The following SNX24 variants were observed in gnomAD, a reference collection of about 807,000 sequenced individuals.
SNX24 encodes sorting nexin 24.
A neutral mutation model predicts 28.7 loss-of-function variants in SNX24; 22 were observed. The ratio of observed to expected loss-of-function variants is 0.77; its 90% CI spans 0.55 to 1.10. SNX24 has a LOEUF of 1.10. Ranked by LOEUF, SNX24 falls within the 50% of genes least tolerant of loss-of-function variation. The pLI, the probability that SNX24 is intolerant of heterozygous loss-of-function variation, is 0.00. For missense variants in SNX24, 221 were observed against 201.1 expected, an observed-to-expected ratio of 1.10 and a Z score of -0.60; for synonymous variants, 69 against 71.5, an observed-to-expected ratio of 0.96 and a Z score of 0.18.
intron 1 of SNX24, among the ~76,000 whole-genome samples, chr5:122,895,658 C>T (rs946480761): frequency 6.6e-6 from 1 of 152,242 alleles, no homozygotes; most frequent in African/African-American, 2.4e-5. Flanking sequence ...CCAGCAGCTG[C>T]TGCTTCTCCA....
chr5:122,956,769 A>G (rs1045747459), intron 3 of SNX24, among the ~76,000 whole-genome samples: 2 of 151,336 alleles, frequency 1.3e-5, no homozygotes, highest in African/African-American at 4.9e-5. Flanking sequence ...TTTGATTTGC[A>G]TTTTTCTAAT....
intron 1 of SNX24, among the ~76,000 whole-genome samples, chr5:122,869,177 G>T (rs1243443863): frequency 1.3e-5 from 2 of 152,158 alleles, no homozygotes; most frequent in African/African-American, 4.8e-5. Flanking sequence ...AGAAATTGAT[G>T]ACTGCAGCTT....
At chr5:122,856,154 T>G (rs1005903204) in intron 1 of SNX24, among the ~76,000 whole-genome samples, 1 of 152,310 alleles carries the variant, frequency 6.6e-6, no homozygotes, top group Admixed American at 6.5e-5. Flanking sequence ...GTGTCTGTTG[T>G]TCCCCTCTGT....
chr5:122,970,713 C>T (rs1228851275), intron 3 of SNX24, among the ~76,000 whole-genome samples: 5 of 152,318 alleles, frequency 3.3e-5, no homozygotes, highest in African/African-American at 1.2e-4. Context: ...CGTGATCCGC[C>T]CGTCTTGGCC....
At position 122,948,095 on chromosome 5, in the gene SNX24, TC is replaced by T. The variant is rs766813359; in HGVS notation, c.249+1941del. On this transcript the variant is annotated intron_variant, in intron 3 of 6. Transcript: ENST00000261369. ...AATAGTCAATTTGTTGTCACTTAATTCCCCCAGGAGTTTAAGGGAGTTAGTT... is the reference window on the plus strand; with the variant it reads ...AATAGTCAATTTGTTGTCACTTAATTCCCCAGGAGTTTAAGGGAGTTAGTT... 9.9e-5 allele frequency among the ~76,000 whole-genome samples: 15 copies of T among 152,280 alleles called. 2 individuals carry two copies. Among genetic ancestry groups the T allele is most frequent in the East Asian group, 3.9e-4 (2 of 5,192 alleles).
At chr5:122,983,172 A>C (rs747635814) in intron 3 of SNX24, 9 of 147,064 alleles carry the variant, frequency 6.1e-5, no homozygotes, top group Non-Finnish European at 1.2e-4. Flanking sequence ...AATGAGACAT[A>C]TTCTCAAGTG....
intron 3 of SNX24, among the ~76,000 whole-genome samples, chr5:122,964,501 C>G (rs930555716): frequency 2.1e-4 from 32 of 151,886 alleles, no homozygotes; most frequent in African/African-American, 7.7e-4. Flanking sequence ...TTTTCTCGTG[C>G]ATGTTTATAA....
intron 1 of SNX24, among the ~76,000 whole-genome samples, chr5:122,897,986 C>A (rs1459913144): frequency 6.6e-6 from 1 of 152,102 alleles, no homozygotes; most frequent in Non-Finnish European, 1.5e-5. Context: ...ATACTAAGAT[C>A]AACAGTATTG....
intron 1 of SNX24, among the ~76,000 whole-genome samples, chr5:122,925,213 T>C (rs1204919746): frequency 1.2e-5 from 1 of 83,186 alleles, no homozygotes; most frequent in Non-Finnish European, 2.3e-5. Context: ...CCTATTTCCT[T>C]CCCCTCCCCC....
rs1222002659 is a variant in SNX24 at position 123,001,959 on chromosome 5, G to T, written c.397G>T (p.Val133Leu). ...EESSKLSHQPVLLFLRDPYVL... is the reference protein window; with the variant it reads ...EESSKLSHQPLLLFLRDPYVL... ...TTCCAGCAAACTGTCCCACCAGCCTGTGCTGCTGTTCCTCAGGGATCCATA... is the reference window on the plus strand; with the variant it reads ...TTCCAGCAAACTGTCCCACCAGCCTTTGCTGCTGTTCCTCAGGGATCCATA... Residue 133 changes from valine to leucine, a missense_variant, in exon 6 of 7, where the codon GTG becomes TTG. Physicochemically the swap from Val to Leu is conservative, Grantham distance 32. Transcript: ENST00000261369. The T allele has an allele frequency of 1.2e-6, 2 of 1,614,176 alleles. No individual in the cohort carries two copies. The highest frequency in any genetic ancestry group is 1.1e-5 in the South Asian group (1 of 91,086).
At chr5:123,001,362 C>A in intron 4 of SNX24, 43 bp from the exon 5 acceptor site, 2 of 1,343,984 alleles carry the variant, frequency 1.5e-6, no homozygotes, top group Non-Finnish European at 2.1e-6. Flanking sequence ...ATTGACTCAA[C>A]ATATGTGGTT....
chr5:122,971,529 G>T (rs1760958161), intron 3 of SNX24, among the ~76,000 whole-genome samples: 2 of 152,224 alleles, frequency 1.3e-5, no homozygotes, highest in South Asian at 4.2e-4. Flanking sequence ...AGACAATAAT[G>T]AGGTCATAAT....
chr5:122,951,416 T>TA (rs1759937663), intron 3 of SNX24, among the ~76,000 whole-genome samples: 1 of 152,112 alleles, frequency 6.6e-6, no homozygotes, highest in South Asian at 2.1e-4. Context: ...CTTTTACATC[T>TA]AAAAATTTTA....
At chr5:122,903,289 T>A (rs991047662) in intron 1 of SNX24, among the ~76,000 whole-genome samples, 6 of 152,054 alleles carry the variant, frequency 3.9e-5, no homozygotes, top group South Asian at 2.1e-4. Flanking sequence ...CGTATTTTTT[T>A]AAATAGAGAC....
At chr5:122,916,059 C>T (rs1043115083) in intron 1 of SNX24, among the ~76,000 whole-genome samples, 1 of 152,192 alleles carries the variant, frequency 6.6e-6, no homozygotes, top group Non-Finnish European at 1.5e-5. Context: ...CATCCTGTAG[C>T]ACATGTTTAC....
At chr5:123,025,808 C>T (rs758807912) in intron 5 of SNX24, 22 of 1,613,368 alleles carry the variant, frequency 1.4e-5, no homozygotes, top group Non-Finnish European at 1.9e-5. Context: ...CTTTTCCAAA[C>T]ACCACATGTT....
Position 122,860,413 on chromosome 5 carries a change from T to C in SNX24, c.60+14720T>C, listed in dbSNP as rs190404153. Among the ~76,000 whole-genome samples, 290 of 152,338 alleles carry C rather than the reference T, an allele frequency of 1.9e-3. 1 individual carries two copies. The highest frequency in any genetic ancestry group is 7.2e-4 in the Non-Finnish European group (49 of 68,030). On this transcript the variant is annotated intron_variant, in intron 1 of 6. Coordinates refer to ENST00000261369, the MANE Select transcript of SNX24 (RefSeq NM_014035.4). Reference sequence around the variant, plus strand: ...ATGTGTGTAAGTTCCCCAAAGTTCCTGGCTCATGGTCCTAGCTCATAGGCT... The same window carrying C: ...ATGTGTGTAAGTTCCCCAAAGTTCCCGGCTCATGGTCCTAGCTCATAGGCT...
intron 3 of SNX24, 71 bp from the exon 4 acceptor site, chr5:122,999,841 G>C: frequency 1.1e-6 from 1 of 914,330 alleles, no homozygotes; most frequent in South Asian, 1.3e-5. Context: ...ATGACTTTTT[G>C]AAATAGTTCA....
chr5:122,889,566 C>T (rs371970946), intron 1 of SNX24, among the ~76,000 whole-genome samples: 2 of 150,308 alleles, frequency 1.3e-5, no homozygotes, highest in Admixed American at 6.7e-5. Flanking sequence ...TCAGGCATTT[C>T]GGATAAGGGA....
Sources: allele counts gnomAD v4.1 joint callset (sites outside exome capture counted in the v4.1 genomes callset), GRCh38; gene constraint gnomAD v4.1.1; transcripts MANE v1.5; gene names NCBI Gene and HGNC (gene_info 2026-07-23, HGNC 2026-07-21).